Variants in ULK4 observed in about 807,000 individuals in gnomAD.
ULK4 encodes inactive serine/threonine-protein kinase ULK4.
In ULK4, 133 loss-of-function variants were observed where a neutral mutation model predicts 160.6. The observed-to-expected ratio is 0.83, with a 90% CI of 0.72 to 0.96. The LOEUF is 0.96. Among genes scored for constraint, ULK4 ranks in the 40% least tolerant of loss-of-function variants. The pLI, the probability that ULK4 is intolerant of heterozygous loss-of-function variation, is 0.00. For missense variants in ULK4, 1,580 were observed against 1,499.5 expected (o/e 1.05, Z -0.89); for synonymous variants, 534 against 539.8 (o/e 0.99, Z 0.15).
chr3:41,612,712 A>C (rs2125678967), intron 31 of ULK4, among the ~76,000 whole-genome samples: 1 of 152,306 alleles, frequency 6.6e-6, no homozygotes, highest in African/African-American at 2.4e-5. Flanking sequence ...TATATAGATA[A>C]GATCTCAAAT....
Position 41,577,594 on chromosome 3 carries a change from C to T in ULK4, c.3121-11464G>A, listed in dbSNP as rs150026769. ...TTCTTCCGCGCCCCCATTAACCATC[C>T]CCACCTCCCCCTCCAACCTCCCACT... On this transcript the variant is annotated intron_variant, in intron 31 of 36. Transcript: ENST00000301831. Among the ~76,000 whole-genome samples, 34 of 152,064 alleles carry T rather than the reference C, an allele frequency of 2.2e-4. No homozygotes were observed. In the East Asian group the frequency reaches 5.4e-3, roughly 24 times the overall value.
Position 41,623,453 on chromosome 3 carries a change from C to T in ULK4, c.3072-7736G>A, listed in dbSNP as rs58537812. Among the ~76,000 whole-genome samples, 393 of 152,108 alleles carry T rather than the reference C, an allele frequency of 2.6e-3. 4 individuals are homozygous for T. The East Asian group carries it at 0.046, about 18-fold the overall frequency. On this transcript the variant is annotated intron_variant, in intron 30 of 36. Coordinates refer to ENST00000301831, the MANE Select transcript of ULK4 (RefSeq NM_017886.4). ...AGCATTATCCATAATAGACAAGATA[C>T]GGAAACAACCTAAATGACCATCACT... is the stretch of plus-strand genomic sequence containing the variant.
intron 34 of ULK4, among the ~76,000 whole-genome samples, chr3:41,407,344 T>C (rs975300002): frequency 9.2e-5 from 14 of 152,184 alleles, no homozygotes; most frequent in African/African-American, 3.1e-4. Context: ...GGAACACTTC[T>C]GAACTCATTC....
rs758109361 is a variant in ULK4 at position 41,935,948 on chromosome 3, A to T, written c.239-8T>A. On this transcript the variant is annotated splice_polypyrimidine_tract_variant and splice_region_variant and intron_variant, in intron 3 of 36. Coordinates refer to ENST00000301831, the MANE Select transcript of ULK4 (RefSeq NM_017886.4). ...CTGTTTTTAAGGAACCACCTGCAAGAGGTTGATTAAAATCACCCATTTCAA... is the reference window on the plus strand; with the variant it reads ...CTGTTTTTAAGGAACCACCTGCAAGTGGTTGATTAAAATCACCCATTTCAA... 3.7e-6 allele frequency: 6 copies of T among 1,612,114 alleles called. No homozygotes were observed. In the Admixed American group the frequency reaches 8.4e-5, roughly 23 times the overall value.
At chr3:41,830,489 A>G (rs1045700161) in intron 18 of ULK4, among the ~76,000 whole-genome samples, 2 of 152,074 alleles carry the variant, frequency 1.3e-5, no homozygotes, top group African/African-American at 4.8e-5. Context: ...TTTGGAGGTG[A>G]TAGGTTCATT....
intron 27 of ULK4, among the ~76,000 whole-genome samples, chr3:41,684,377 G>A (rs559818331): frequency 4.9e-4 from 75 of 152,198 alleles, no homozygotes; most frequent in Non-Finnish European, 9.3e-4. Flanking sequence ...AGTTACAAAC[G>A]TTGCTGCAGG....
rs370747284 is a variant in ULK4 at position 41,819,667 on chromosome 3, T to C, written c.1765-161A>G. Among the ~76,000 whole-genome samples, 10 of 152,300 alleles carry C rather than the reference T, an allele frequency of 6.6e-5. No individual in the cohort carries two copies. The South Asian group carries it at 2.1e-3, about 32-fold the overall frequency. On this transcript the variant is annotated intron_variant, in intron 18 of 36. Coordinates refer to ENST00000301831, the MANE Select transcript of ULK4 (RefSeq NM_017886.4). ...CTGATGATAACGACTAGATCAAGGA[T>C]CTTTTACTGCATTGTACATACAAGA...
intron 35 of ULK4, among the ~76,000 whole-genome samples, chr3:41,385,058 TAAAAA>T (rs201664339): frequency 4.8e-5 from 7 of 146,842 alleles, no homozygotes; most frequent in Non-Finnish European, 9.0e-5. Context: ...TCTCAAAAAA[TAAAAA>T]AAAAAGTATT....
At chr3:41,739,856 C>T (rs1237424459) in intron 22 of ULK4, among the ~76,000 whole-genome samples, 3 of 151,926 alleles carry the variant, frequency 2.0e-5, no homozygotes, top group Non-Finnish European at 4.4e-5. Context: ...ACATATTAAT[C>T]TGCATTTCAC....
At chr3:41,836,553 T>A (rs1254420975) in intron 17 of ULK4, among the ~76,000 whole-genome samples, 1 of 152,110 alleles carries the variant, frequency 6.6e-6, no homozygotes, top group Non-Finnish European at 1.5e-5. Flanking sequence ...AAAGAGTAAA[T>A]AGAGGCTGAG....
chr3:41,558,767 C>T (rs996165139), intron 32 of ULK4, among the ~76,000 whole-genome samples: 11 of 150,468 alleles, frequency 7.3e-5, no homozygotes, highest in African/African-American at 1.7e-4. Flanking sequence ...CTTCGGTGGG[C>T]GGGGGGAAAT....
rs532119984 is a variant in ULK4, at chr3:41,839,610, A to T, written c.1657-3639T>A. Among the ~76,000 whole-genome samples the T allele has an allele frequency of 2.0e-5, 3 of 152,044 alleles. No homozygotes were observed. The South Asian group carries it at 6.2e-4, about 32-fold the overall frequency. ...GAAAAAATGGACCAACTCCTCAAAA[A>T]AAACTAACTATCACAACTCACCCAA... On this transcript the variant is annotated intron_variant, in intron 17 of 36. Transcript: ENST00000301831.
chr3:41,283,918 A>G (rs1426631869), intron 35 of ULK4, among the ~76,000 whole-genome samples: 2 of 152,120 alleles, frequency 1.3e-5, no homozygotes, highest in African/African-American at 4.8e-5. Context: ...ACAGTGACCA[A>G]GCGGAGAATC....
intron 19 of ULK4, among the ~76,000 whole-genome samples, chr3:41,804,520 C>T (rs868419652): frequency 0.1 from 14,650 of 145,336 alleles, 861 homozygotes; most frequent in Middle Eastern, 0.24. Flanking sequence ...TCTTTTGTTG[C>T]CATTGCTTTT....
At chr3:41,844,608 T>A (rs1019268872) in intron 17 of ULK4, among the ~76,000 whole-genome samples, 1 of 151,806 alleles carries the variant, frequency 6.6e-6, no homozygotes, top group South Asian at 2.1e-4. Context: ...CAGAAAGGAG[T>A]TCCCACAGTG....
intron 35 of ULK4, among the ~76,000 whole-genome samples, chr3:41,320,010 ATATTT>A (rs1353627796): frequency 4.6e-5 from 7 of 152,342 alleles, no homozygotes; most frequent in African/African-American, 1.7e-4. Context: ...TAAATATGTT[ATATTT>A]TAAATATGTT....
At chr3:41,862,752 A>G (rs2042530318) in intron 17 of ULK4, among the ~76,000 whole-genome samples, 1 of 148,544 alleles carries the variant, frequency 6.7e-6, no homozygotes, top group African/African-American at 2.6e-5. Context: ...GAACATACAG[A>G]GTCAGTCAGT....
intron 20 of ULK4, among the ~76,000 whole-genome samples, chr3:41,795,802 C>A (rs190885529): frequency 1.1e-3 from 166 of 152,204 alleles, no homozygotes; most frequent in African/African-American, 3.9e-3. Flanking sequence ...GTTGGAAGAC[C>A]ATTTAGCAAG....
chr3:41,769,092 T>A (rs1276434785), intron 21 of ULK4, among the ~76,000 whole-genome samples: 1 of 152,104 alleles, frequency 6.6e-6, no homozygotes, highest in Admixed American at 6.6e-5. Flanking sequence ...ATAACAAACA[T>A]CAAAAATAAA....
Sources: allele counts gnomAD v4.1 joint callset (sites outside exome capture counted in the v4.1 genomes callset), GRCh38; gene constraint gnomAD v4.1.1; transcripts MANE v1.5; gene names NCBI Gene and HGNC (gene_info 2026-07-23, HGNC 2026-07-21).